ROBO2: variants seen among roughly 807,000 people sequenced by gnomAD.
ROBO2 encodes the protein roundabout guidance receptor 2.
Under a neutral mutation model 160.8 loss-of-function variants are expected in ROBO2, and 53 were observed. The ratio of observed to expected loss-of-function variants is 0.33; its 90% CI spans 0.26 to 0.41. The LOEUF is 0.41. ROBO2 is among the 10% of genes least tolerant of loss of function. The probability of loss-of-function intolerance (pLI) is 1.00; values close to 1 mark genes in which losing one functional copy is unlikely to be tolerated. For synonymous variants in ROBO2, 664 were observed against 611.7 expected (o/e 1.09, Z -1.26); for missense variants, 1,577 against 1,722.4 (o/e 0.92, Z 1.49).
chr3:77,150,837 G>A (rs1002584315), intron 2 of ROBO2, among the ~76,000 whole-genome samples: 11 of 152,046 alleles, frequency 7.2e-5, no homozygotes, highest in Non-Finnish European at 1.3e-4. Context: ...AAAAATGGAT[G>A]TGATTCTATG....
chr3:76,517,538 C>T (rs1187623947), intron 2 of ROBO2, among the ~76,000 whole-genome samples: 1 of 152,102 alleles, frequency 6.6e-6, no homozygotes, highest in Non-Finnish European at 1.5e-5. Context: ...TGGATTTCTA[C>T]CCAAATCCAA....
chr3:76,677,957 G>GTTTTTTTTTTT (rs1337363967), intron 2 of ROBO2, among the ~76,000 whole-genome samples: 8 of 46,088 alleles, frequency 1.7e-4, no homozygotes, highest in Non-Finnish European at 2.5e-4. Flanking sequence ...AAGAAAATAT[G>GTTTTTTTTTTT]CTTTTTTTTT....
chr3:77,464,810 C>T (rs986576496), intron 2 of ROBO2, among the ~76,000 whole-genome samples: 2 of 152,158 alleles, frequency 1.3e-5, no homozygotes, highest in Non-Finnish European at 2.9e-5. Flanking sequence ...AGAGCAACTT[C>T]AGTGATTGGT....
At chr3:76,961,247 G>GGA (rs761616869) in intron 2 of ROBO2, among the ~76,000 whole-genome samples, 8 of 54,450 alleles carry the variant, frequency 1.5e-4, no homozygotes, top group African/African-American at 4.3e-4. Flanking sequence ...GTGCCACAGA[G>GGA]AAAAAAAAAA....
At chr3:77,215,978 C>A (rs543180808) in intron 2 of ROBO2, among the ~76,000 whole-genome samples, 8 of 152,274 alleles carry the variant, frequency 5.3e-5, no homozygotes, top group African/African-American at 1.9e-4. Flanking sequence ...TGTGAGGTGT[C>A]AGTCTGCCAC....
Position 76,812,909 on chromosome 3 carries a change from A to ATTTTTTTTTTTTTTTTTT in ROBO2, c.110-285096_110-285079dup, listed in dbSNP as rs71104626. ...AAAGTGTCCTGGCACAGAAGTATAA[A>ATTTTTTTTTTTTTTTTTT]TTTTTTTTTTTTTTTTTTTTTTTTT... On this transcript the variant is annotated intron_variant, in intron 2 of 26. Coordinates refer to the ROBO2 transcript ENST00000487694. 2.2e-4 allele frequency among the ~76,000 whole-genome samples: 23 copies of ATTTTTTTTTTTTTTTTTT among 104,658 alleles called. 1 individual carries two copies. The highest frequency in any genetic ancestry group is 8.0e-4 in the African/African-American group (22 of 27,540). The allele number at this position is 104,658 out of a possible 152,430, so 68.7% of individuals were successfully genotyped here.
chr3:77,251,483 T>G (rs1176829518), intron 2 of ROBO2, among the ~76,000 whole-genome samples: 1 of 152,146 alleles, frequency 6.6e-6, no homozygotes, highest in Non-Finnish European at 1.5e-5. Flanking sequence ...GCTTAGAAGA[T>G]CTCAGAATTG....
At chr3:76,384,989 T>A (rs973052142) in intron 2 of ROBO2, among the ~76,000 whole-genome samples, 6 of 152,116 alleles carry the variant, frequency 3.9e-5, no homozygotes, top group African/African-American at 1.4e-4. Context: ...GTGTCTTTTG[T>A]TTTGTTGTTT....
chr3:76,177,793 T>A (rs954980162), intron 2 of ROBO2, among the ~76,000 whole-genome samples: 1 of 152,066 alleles, frequency 6.6e-6, no homozygotes, highest in Admixed American at 6.6e-5. Flanking sequence ...TATAGACAGA[T>A]GGATAACAGA....
chr3:77,642,784 G>A (rs1452543338), intron 24 of ROBO2: 1 of 456,710 alleles, frequency 2.2e-6, no homozygotes, highest in Non-Finnish European at 4.4e-6. Flanking sequence ...AAGCTCTCTA[G>A]AGAGACAACA....
chr3:76,527,992 G>C (rs886987629), intron 2 of ROBO2, among the ~76,000 whole-genome samples: 1 of 152,114 alleles, frequency 6.6e-6, no homozygotes, highest in Non-Finnish European at 1.5e-5. Context: ...AAAGAGGGTA[G>C]AGGTGAAATG....
At chr3:76,331,093 T>C (rs939144056) in intron 2 of ROBO2, among the ~76,000 whole-genome samples, 4 of 152,230 alleles carry the variant, frequency 2.6e-5, no homozygotes, top group Non-Finnish European at 4.4e-5. Context: ...AACTAAGATA[T>C]AGATTTTTTA....
chr3:76,155,209 T>C (rs2072359923), intron 2 of ROBO2, among the ~76,000 whole-genome samples: 1 of 152,116 alleles, frequency 6.6e-6, no homozygotes, highest in Admixed American at 6.6e-5. Context: ...GCCTAAATAT[T>C]GATGGCTTCG....
intron 24 of ROBO2, among the ~76,000 whole-genome samples, chr3:77,641,697 A>T (rs1274296419): frequency 2.6e-5 from 4 of 152,158 alleles, no homozygotes; most frequent in African/African-American, 4.8e-5. Flanking sequence ...TGAGAAGAAA[A>T]TGATACAAAT....
intron 2 of ROBO2, among the ~76,000 whole-genome samples, chr3:77,240,795 C>T (rs2088923201): frequency 6.6e-6 from 1 of 152,184 alleles, no homozygotes; most frequent in Admixed American, 6.5e-5. Context: ...AGCTGCTAAT[C>T]TTTACCCAGA....
At chr3:77,596,259 C>T (rs1263885905) in intron 18 of ROBO2, among the ~76,000 whole-genome samples, 1 of 152,058 alleles carries the variant, frequency 6.6e-6, no homozygotes. Context: ...AAGGAATAGC[C>T]CAAAGTCTTA....
chr3:77,201,383 G>A (rs2082896641), intron 2 of ROBO2, among the ~76,000 whole-genome samples: 1 of 152,154 alleles, frequency 6.6e-6, no homozygotes, highest in South Asian at 2.1e-4. Context: ...AAACTCCATT[G>A]CAGCGATTTG....
intron 2 of ROBO2, among the ~76,000 whole-genome samples, chr3:76,858,218 G>A (rs1193327198): frequency 6.6e-6 from 1 of 152,084 alleles, no homozygotes; most frequent in Non-Finnish European, 1.5e-5. Flanking sequence ...ACGGGAGGAC[G>A]GGCCATTATT....
At chr3:77,145,449 AC>A (rs1415009991) in intron 2 of ROBO2, among the ~76,000 whole-genome samples, 22 of 152,132 alleles carry the variant, frequency 1.4e-4, no homozygotes, top group African/African-American at 5.1e-4. Context: ...TTTTGGCTTG[AC>A]TTTTTTATAT....
Sources: allele counts gnomAD v4.1 joint callset (sites outside exome capture counted in the v4.1 genomes callset), GRCh38; gene constraint gnomAD v4.1.1; transcripts MANE v1.5; gene names NCBI Gene and HGNC (gene_info 2026-07-23, HGNC 2026-07-21).